The following CDH10 variants were observed in gnomAD, a reference collection of about 807,000 sequenced individuals.
CDH10 encodes cadherin-10.
CDH10 carries 30 observed loss-of-function variants against 73.1 expected under a neutral mutation model. The ratio of observed to expected loss-of-function variants is 0.41; its 90% CI spans 0.31 to 0.56. CDH10 has a LOEUF of 0.56. Ranked by LOEUF, CDH10 falls within the 20% of genes least tolerant of loss-of-function variation. CDH10 has a pLI of 0.27. For missense variants in CDH10, 815 were observed against 973.7 expected (o/e 0.84, Z 2.17); for synonymous variants, 345 against 348.2 (o/e 0.99, Z 0.10).
intron 2 of CDH10, among the ~76,000 whole-genome samples, chr5:24,573,428 G>A (rs1169756835): frequency 2.0e-5 from 3 of 152,126 alleles, no homozygotes; most frequent in East Asian, 1.9e-4. Flanking sequence ...CAGGCCGGGC[G>A]CGGTGGCTCA....
At chr5:24,580,630 A>T (rs2112053299) in intron 2 of CDH10, among the ~76,000 whole-genome samples, 1 of 152,334 alleles carries the variant, frequency 6.6e-6, no homozygotes, top group South Asian at 2.1e-4. Context: ...CATGTAACAT[A>T]GAGTAAAAGT....
intron 2 of CDH10, among the ~76,000 whole-genome samples, chr5:24,581,465 T>C (rs1745795637): frequency 6.6e-6 from 1 of 152,196 alleles, no homozygotes; most frequent in Non-Finnish European, 1.5e-5. Context: ...CACTTACATT[T>C]GTAACAACTA....
intron 7 of CDH10, among the ~76,000 whole-genome samples, chr5:24,507,714 T>C (rs1742749257): frequency 6.6e-6 from 1 of 151,942 alleles, no homozygotes; most frequent in Non-Finnish European, 1.5e-5. Context: ...GGTAAATATT[T>C]AATGAAGAAA....
intron 1 of CDH10, among the ~76,000 whole-genome samples, chr5:24,594,288 A>G (rs1434228513): frequency 1.3e-5 from 2 of 151,816 alleles, no homozygotes; most frequent in African/African-American, 4.8e-5. Context: ...GCTTCTAACT[A>G]CCTCTACTGC....
In CDH10 at chr5:24,616,325, C is replaced by T. The variant is rs118142520; in HGVS notation, c.-123-22712G>A. Among the ~76,000 whole-genome samples the T allele has an allele frequency of 1.6e-3, 246 of 152,030 alleles. 6 individuals are homozygous for T. The East Asian group carries it at 0.039, about 24-fold the overall frequency. On this transcript the variant is annotated intron_variant, in intron 1 of 11. Coordinates refer to ENST00000264463, the MANE Select transcript of CDH10 (RefSeq NM_006727.5). Reference sequence around the variant, plus strand: ...ACAAGAACCAGAAATTTGTTTTTTCCGCAACGAATTTGGATTATGGTTAAC... The same window carrying T: ...ACAAGAACCAGAAATTTGTTTTTTCTGCAACGAATTTGGATTATGGTTAAC...
intron 1 of CDH10, among the ~76,000 whole-genome samples, chr5:24,601,315 T>C (rs1471812785): frequency 6.6e-6 from 1 of 152,188 alleles, no homozygotes; most frequent in Non-Finnish European, 1.5e-5. Flanking sequence ...TGTTATGTGA[T>C]TTGCTCAGTC....
chr5:24,570,770 T>A (rs1745347663), intron 2 of CDH10, among the ~76,000 whole-genome samples: 1 of 152,146 alleles, frequency 6.6e-6, no homozygotes, highest in Non-Finnish European at 1.5e-5. Context: ...GATAGTTTTG[T>A]ACTTCACATT....
At chr5:24,543,536 A>T (rs1342594452) in intron 2 of CDH10, among the ~76,000 whole-genome samples, 1 of 152,198 alleles carries the variant, frequency 6.6e-6, no homozygotes, top group Non-Finnish European at 1.5e-5. Flanking sequence ...TCAAACAGCC[A>T]AGGTATTTTA....
chr5:24,519,284 T>C (rs1409275652), intron 5 of CDH10, among the ~76,000 whole-genome samples: 1 of 152,170 alleles, frequency 6.6e-6, no homozygotes, highest in African/African-American at 2.4e-5. Flanking sequence ...AGCAAAAGTT[T>C]AGTTTATAAA....
intron 1 of CDH10, among the ~76,000 whole-genome samples, chr5:24,596,599 T>C (rs1317748573): frequency 6.6e-6 from 1 of 151,978 alleles, no homozygotes; most frequent in East Asian, 1.9e-4. Context: ...ATCAAAACTT[T>C]ATATTTCATT....
chr5:24,614,092 A>G (rs1298055334), intron 1 of CDH10, among the ~76,000 whole-genome samples: 1 of 152,180 alleles, frequency 6.6e-6, no homozygotes, highest in African/African-American at 2.4e-5. Context: ...AATGTTGATA[A>G]AGGTGCTTCC....
chr5:24,570,177 G>A (rs1440184831), intron 2 of CDH10, among the ~76,000 whole-genome samples: 1 of 152,074 alleles, frequency 6.6e-6, no homozygotes, highest in African/African-American at 2.4e-5. Context: ...TTTTGCATAC[G>A]ATTTTAACAC....
chr5:24,535,175 C>A lies in CDH10; in HGVS notation c.751G>T (p.Gly251Trp), dbSNP rs2111877085. 1 of 1,613,386 alleles carries A rather than the reference C, an allele frequency of 6.2e-7. No individual in the cohort carries two copies. Among genetic ancestry groups the A allele is most frequent in the South Asian group, 1.1e-5 (1 of 91,038 alleles). ...DMGGQMGGLS[G>W]TTTVNITLTD... ...AGCGTGATGTTCACAGTGGTTGTCC[C>A]CGATAAGCCTCCCATCTGGCCGCCC... The change falls in exon 5 of 12, where the codon GGG becomes TGG. Residue 251 changes from glycine to tryptophan, a missense_variant. Physicochemically the swap from Gly to Trp is radical, Grantham distance 184 (BLOSUM62 -2). Coordinates refer to ENST00000264463, the MANE Select transcript of CDH10 (RefSeq NM_006727.5).
intron 2 of CDH10, among the ~76,000 whole-genome samples, chr5:24,547,153 T>C (rs1744376258): frequency 2.0e-5 from 3 of 152,180 alleles, no homozygotes; most frequent in Admixed American, 2.0e-4. Flanking sequence ...CTGCTAATAA[T>C]ATAAATGCTA....
intron 1 of CDH10, among the ~76,000 whole-genome samples, chr5:24,638,420 T>C (rs1747938050): frequency 6.6e-6 from 1 of 151,750 alleles, no homozygotes; most frequent in Non-Finnish European, 1.5e-5. Flanking sequence ...ACCTCCACTC[T>C]TCACTCAGTA....
At chr5:24,540,332 A>T (rs1196134131) in intron 2 of CDH10, among the ~76,000 whole-genome samples, 1 of 151,970 alleles carries the variant, frequency 6.6e-6, no homozygotes, top group African/African-American at 2.4e-5. Flanking sequence ...GATAGAGGTC[A>T]TTAAAACCCT....
intron 5 of CDH10, among the ~76,000 whole-genome samples, chr5:24,516,522 G>A (rs116596627): frequency 0.017 from 2,565 of 151,702 alleles, 53 homozygotes; most frequent in African/African-American, 0.052. Flanking sequence ...ATTCTTCTAC[G>A]AGGAAAAGCT....
chr5:24,603,735 C>T (rs551461501), intron 1 of CDH10, among the ~76,000 whole-genome samples: 2 of 151,806 alleles, frequency 1.3e-5, no homozygotes, highest in Non-Finnish European at 2.9e-5. Context: ...AAAATGCTAA[C>T]GTTTCCCCCG....
chr5:24,514,758 C>G (rs1024723313), intron 5 of CDH10, among the ~76,000 whole-genome samples: 2 of 152,002 alleles, frequency 1.3e-5, no homozygotes, highest in East Asian at 1.9e-4. Context: ...ATTCTCAAAG[C>G]TAGAGCAAAT....
Sources: gnomAD v4.1 joint callset for allele counts (sites outside exome capture counted in the v4.1 genomes callset) on GRCh38, gnomAD v4.1.1 for gene constraint, MANE v1.5 for transcripts, NCBI Gene and HGNC (gene_info 2026-07-23, HGNC 2026-07-21) for gene names.